Variants in KLHL1 observed in about 807,000 individuals in gnomAD.
KLHL1 encodes kelch like family member 1, also known as kelch-like protein 1.
A neutral mutation model predicts 77.7 loss-of-function variants in KLHL1; 47 were observed. The ratio of observed to expected loss-of-function variants is 0.60; its 90% CI spans 0.48 to 0.77. KLHL1 has a LOEUF of 0.77. KLHL1 is among the 30% of genes least tolerant of loss of function. The pLI, the probability that KLHL1 is intolerant of heterozygous loss-of-function variation, is 0.00. For missense variants in KLHL1, 925 were observed against 910.8 expected (o/e 1.02, Z -0.20); for synonymous variants, 360 against 325.2 (o/e 1.11, Z -1.15).
chr13:69,824,387 G>A (rs1376777188), intron 6 of KLHL1, among the ~76,000 whole-genome samples: 1 of 151,946 alleles, frequency 6.6e-6, no homozygotes, highest in African/African-American at 2.4e-5. Context: ...TATTTTCTCT[G>A]ATGTTTTTCA....
At chr13:69,953,260 G>A (rs141244144) in intron 3 of KLHL1, among the ~76,000 whole-genome samples, 1,564 of 149,996 alleles carry the variant, frequency 0.01, 27 homozygotes, top group African/African-American at 0.035. Flanking sequence ...TATCATCTAT[G>A]TAACTTCCTC....
Position 70,057,897 on chromosome 13 carries a change from G to A in KLHL1, c.497+49306C>T, listed in dbSNP as rs183493040. Among the ~76,000 whole-genome samples, 961 of 151,148 alleles carry A rather than the reference G, an allele frequency of 6.4e-3. 7 individuals carry two copies. The highest frequency in any genetic ancestry group is 0.02 in the African/African-American group (835 of 41,248). On this transcript the variant is annotated intron_variant, in intron 1 of 10. Coordinates refer to ENST00000377844, the MANE Select transcript of KLHL1 (RefSeq NM_020866.3). ...AATAAATTATGAGCAAACCAAATTT[G>A]ACAACACATTAAAATGATAATTCAC...
At chr13:69,707,870 A>G in intron 9 of KLHL1, 74 bp from the exon 10 acceptor site, 1 of 1,289,576 alleles carries the variant, frequency 7.8e-7, no homozygotes, top group Non-Finnish European at 1.1e-6. Flanking sequence ...TTTACTTTTT[A>G]CAAAGCCTGT....
chr13:70,060,054 A>T (rs1886840887), intron 1 of KLHL1, among the ~76,000 whole-genome samples: 1 of 152,206 alleles, frequency 6.6e-6, no homozygotes, highest in Non-Finnish European at 1.5e-5. Context: ...TTAACAAGAC[A>T]GAGAATACAT....
chr13:69,967,992 G>A lies in KLHL1; in HGVS notation c.681-6548C>T, dbSNP rs1052490585. Among the ~76,000 whole-genome samples the A allele has an allele frequency of 3.3e-5, 5 of 152,004 alleles. No homozygotes were observed. In the East Asian group the frequency reaches 5.8e-4, roughly 18 times the overall value. ...TTCCAATTTTGAAAGAAGTTATACCGTGGGTAGAATGCTATCAAACAGCAT... is the reference window on the plus strand; with the variant it reads ...TTCCAATTTTGAAAGAAGTTATACCATGGGTAGAATGCTATCAAACAGCAT... On this transcript the variant is annotated intron_variant, in intron 2 of 10. Coordinates refer to ENST00000377844, the MANE Select transcript of KLHL1 (RefSeq NM_020866.3).
At chr13:69,882,140 C>A in intron 5 of KLHL1, 143 bp downstream of exon 5, 1 of 631,764 alleles carries the variant, frequency 1.6e-6, no homozygotes, top group Non-Finnish European at 2.8e-6. Context: ...TCATTTTCCA[C>A]CATCAAATTT....
At chr13:69,932,316 AT>A (rs1883027989) in intron 4 of KLHL1, among the ~76,000 whole-genome samples, 1 of 151,772 alleles carries the variant, frequency 6.6e-6, no homozygotes. Context: ...TTTTTTTCTC[AT>A]TAAAAAAAGC....
intron 5 of KLHL1, among the ~76,000 whole-genome samples, chr13:69,858,162 A>T (rs1027606556): frequency 6.6e-6 from 1 of 152,032 alleles, no homozygotes; most frequent in Non-Finnish European, 1.5e-5. Context: ...CATTTCAGCC[A>T]TGTCGTCCAG....
intron 1 of KLHL1, among the ~76,000 whole-genome samples, chr13:69,989,655 C>A (rs1305512726): frequency 6.6e-6 from 1 of 151,662 alleles, no homozygotes; most frequent in Non-Finnish European, 1.5e-5. Flanking sequence ...TTTTGTAATT[C>A]TCATTGTAGA....
intron 9 of KLHL1, among the ~76,000 whole-genome samples, chr13:69,717,252 C>T (rs1022790963): frequency 5.9e-5 from 9 of 152,034 alleles, no homozygotes; most frequent in Non-Finnish European, 1.3e-4. Context: ...TGATGTTTGC[C>T]TATGATTATA....
chr13:69,901,792 TTTC>T (rs1279236494), intron 4 of KLHL1, among the ~76,000 whole-genome samples: 69 of 5,524 alleles, frequency 0.012, 3 homozygotes, highest in South Asian at 0.059. Flanking sequence ...TTTTTCTTTT[TTTC>T]TTTTTTTTTT....
chr13:69,900,968 G>A (rs1208082957), intron 4 of KLHL1, among the ~76,000 whole-genome samples: 2 of 152,060 alleles, frequency 1.3e-5, no homozygotes. Context: ...AAAAAACCTT[G>A]GTCCATTAGC....
At chr13:69,745,638 T>G (rs1874177824) in intron 7 of KLHL1, among the ~76,000 whole-genome samples, 1 of 151,810 alleles carries the variant, frequency 6.6e-6, no homozygotes, top group African/African-American at 2.4e-5. Flanking sequence ...GATCATAGGA[T>G]TAAATATAAA....
At chr13:69,932,217 A>T (rs989321967) in intron 4 of KLHL1, among the ~76,000 whole-genome samples, 3 of 151,750 alleles carry the variant, frequency 2.0e-5, no homozygotes, top group African/African-American at 4.8e-5. Context: ...ACTGATTTTT[A>T]CCTGATCAGA....
intron 9 of KLHL1, among the ~76,000 whole-genome samples, chr13:69,711,429 T>A (rs1164485865): frequency 6.6e-6 from 1 of 152,076 alleles, no homozygotes; most frequent in Admixed American, 6.6e-5. Context: ...AAAATCTATA[T>A]ATTAATTAAT....
chr13:69,895,280 C>T (rs186403217), intron 4 of KLHL1, among the ~76,000 whole-genome samples: 1 of 152,072 alleles, frequency 6.6e-6, no homozygotes, highest in South Asian at 2.1e-4. Flanking sequence ...CTAGTTGGTA[C>T]AAGAGGTTCA....
chr13:70,091,094 T>C (rs1887661827), intron 1 of KLHL1, among the ~76,000 whole-genome samples: 2 of 152,052 alleles, frequency 1.3e-5, no homozygotes, highest in South Asian at 2.1e-4. Context: ...TTTTTTATCT[T>C]CTTTGATCCT....
chr13:69,797,430 G>A (rs549964094), intron 6 of KLHL1, among the ~76,000 whole-genome samples: 101 of 151,990 alleles, frequency 6.6e-4, no homozygotes, highest in Non-Finnish European at 1.1e-3. Context: ...TTTGTCATAC[G>A]CCTTAAATAA....
intron 5 of KLHL1, among the ~76,000 whole-genome samples, chr13:69,878,697 C>CATAT (rs200660318): frequency 6.6e-4 from 98 of 149,146 alleles, no homozygotes; most frequent in African/African-American, 1.9e-3. Context: ...TGTGTGTATG[C>CATAT]ATATATATAT....
Sources: allele counts gnomAD v4.1 joint callset (sites outside exome capture counted in the v4.1 genomes callset), GRCh38; gene constraint gnomAD v4.1.1; transcripts MANE v1.5; gene names NCBI Gene and HGNC (gene_info 2026-07-23, HGNC 2026-07-21).